ROBO2: variants seen among roughly 807,000 people sequenced by gnomAD.
The protein encoded by ROBO2 is roundabout guidance receptor 2.
ROBO2 carries 53 observed loss-of-function variants against 160.8 expected under a neutral mutation model. The observed-to-expected ratio is 0.33, with a 90% CI of 0.26 to 0.41. The LOEUF (loss-of-function observed/expected upper bound fraction) is 0.41, where lower values mean the gene tolerates loss of function less well. ROBO2 is among the 10% of genes least tolerant of loss of function. ROBO2 has a pLI of 1.00. For missense variants in ROBO2, 1,577 were observed against 1,722.4 expected (o/e 0.92, Z 1.49); for synonymous variants, 664 against 611.7 (o/e 1.09, Z -1.26).
intron 2 of ROBO2, among the ~76,000 whole-genome samples, chr3:77,279,147 T>C (rs911044563): frequency 6.6e-6 from 1 of 152,146 alleles, no homozygotes. Context: ...GTCTCTTTTT[T>C]TCACGTAAAC....
chr3:76,019,620 G>C (rs1439091835), intron 2 of ROBO2, among the ~76,000 whole-genome samples: 3 of 151,794 alleles, frequency 2.0e-5, no homozygotes, highest in Non-Finnish European at 4.4e-5. Flanking sequence ...CTCCTCACAT[G>C]GTTAGGTTTT....
intron 2 of ROBO2, among the ~76,000 whole-genome samples, chr3:77,176,781 G>T (rs1351484468): frequency 2.6e-5 from 4 of 151,946 alleles, no homozygotes; most frequent in Non-Finnish European, 5.9e-5. Flanking sequence ...TGCTAGATCA[G>T]AATAAATTTT....
chr3:76,195,888 T>G (rs17013913), intron 2 of ROBO2, among the ~76,000 whole-genome samples: 125,741 of 152,128 alleles, frequency 0.83, 53,077 homozygotes, highest in Middle Eastern at 0.95. Flanking sequence ...GAAGTGCCAC[T>G]TACGTCTTAG....
chr3:77,026,611 C>T (rs2062982487), intron 2 of ROBO2, among the ~76,000 whole-genome samples: 1 of 152,162 alleles, frequency 6.6e-6, no homozygotes, highest in South Asian at 2.1e-4. Flanking sequence ...AGGTGAAATC[C>T]TTCGAAATAT....
At chr3:77,348,135 C>A (rs775248628) in intron 2 of ROBO2, among the ~76,000 whole-genome samples, 74 of 151,986 alleles carry the variant, frequency 4.9e-4, no homozygotes, top group Non-Finnish European at 1.8e-4. Context: ...GTTCTTGGAT[C>A]TTGAGCAAGA....
chr3:75,957,637 G>A (rs1342219133), intron 2 of ROBO2, among the ~76,000 whole-genome samples: 1 of 150,008 alleles, frequency 6.7e-6, no homozygotes, highest in Non-Finnish European at 1.5e-5. Context: ...CAACTTGATT[G>A]TTATCTCTCT....
chr3:76,925,644 A>C (rs904123512), intron 2 of ROBO2, among the ~76,000 whole-genome samples: 2 of 152,154 alleles, frequency 1.3e-5, no homozygotes, highest in Non-Finnish European at 2.9e-5. Context: ...ATATGCTCTT[A>C]AGTGCATGAT....
chr3:76,379,227 C>T (rs1324594519), intron 2 of ROBO2, among the ~76,000 whole-genome samples: 3 of 152,072 alleles, frequency 2.0e-5, no homozygotes, highest in Non-Finnish European at 2.9e-5. Context: ...ACATACTAGA[C>T]AGCTTTGAAT....
At chr3:77,615,002 G>A (rs2094738282) in intron 21 of ROBO2, among the ~76,000 whole-genome samples, 2 of 151,940 alleles carry the variant, frequency 1.3e-5, no homozygotes. Flanking sequence ...TTTTACTGGT[G>A]GTCAACATAG....
chr3:77,568,475 T>C, intron 13 of ROBO2, 41 bp downstream of exon 14: 1 of 1,610,958 alleles, frequency 6.2e-7, no homozygotes, highest in Non-Finnish European at 8.5e-7. Flanking sequence ...TCTCTTCTCT[T>C]TCGGGAAAGC....
At chr3:76,964,710 T>G (rs1250420013) in intron 2 of ROBO2, among the ~76,000 whole-genome samples, 3 of 152,248 alleles carry the variant, frequency 2.0e-5, no homozygotes, top group Non-Finnish European at 2.9e-5. Context: ...TCGATTGTGT[T>G]ATTCCTGACT....
At chr3:77,553,371 G>A (rs1043395889) in intron 8 of ROBO2, among the ~76,000 whole-genome samples, 6 of 151,606 alleles carry the variant, frequency 4.0e-5, no homozygotes, top group Non-Finnish European at 5.9e-5. Context: ...CCTATTCCTC[G>A]AGACACAACA....
chr3:77,185,285 A>T (rs781334895), intron 2 of ROBO2, among the ~76,000 whole-genome samples: 1 of 151,954 alleles, frequency 6.6e-6, no homozygotes, highest in South Asian at 2.1e-4. Context: ...TCTCTTTGGA[A>T]TGGTTGTTAC....
In ROBO2 at chr3:77,164,952, C is replaced by G. The variant is rs201175168; in HGVS notation, c.388+66612C>G. 6.2e-5 allele frequency among the ~76,000 whole-genome samples: 9 copies of G among 145,698 alleles called. 1 individual carries two copies. The East Asian group carries it at 1.7e-3, about 27-fold the overall frequency. On this transcript the variant is annotated intron_variant, in intron 2 of 25. Coordinates refer to ENST00000461745, the Ensembl canonical transcript of ROBO2. ...GAGGGAGGTGGGGGCGGTCAGCCCC[C>G]CAACCCGGCCAGCCGCCCCGTCCGG...
At chr3:77,402,789 T>C (rs2075921479) in intron 2 of ROBO2, among the ~76,000 whole-genome samples, 1 of 151,984 alleles carries the variant, frequency 6.6e-6, no homozygotes, top group South Asian at 2.1e-4. Context: ...GCCTCAGAAG[T>C]ACGCCGGCAC....
chr3:75,953,712 A>G (rs901357582), intron 2 of ROBO2, among the ~76,000 whole-genome samples: 2 of 151,942 alleles, frequency 1.3e-5, no homozygotes, highest in African/African-American at 4.8e-5. Flanking sequence ...CTCACCTCAC[A>G]AACAATAGCA....
intron 2 of ROBO2, among the ~76,000 whole-genome samples, chr3:77,196,984 GT>G (rs1322168404): frequency 6.9e-5 from 9 of 130,920 alleles, no homozygotes; most frequent in Non-Finnish European, 1.0e-4. Flanking sequence ...AAAGAAGAAG[GT>G]AGAGAAAAAA....
At chr3:76,961,264 A>AAAAAAAC in intron 2 of ROBO2, among the ~76,000 whole-genome samples, 1 of 151,604 alleles carries the variant, frequency 6.6e-6, no homozygotes, top group Non-Finnish European at 1.5e-5. Context: ...AAAAAAAAAA[A>AAAAAAAC]AAAACACTAG....
intron 21 of ROBO2, among the ~76,000 whole-genome samples, chr3:77,613,667 C>A (rs1338008037): frequency 6.6e-6 from 1 of 151,834 alleles, no homozygotes; most frequent in Non-Finnish European, 1.5e-5. Flanking sequence ...CAAATCAAAT[C>A]AATACATACG....
Sources: gnomAD v4.1 joint callset for allele counts (sites outside exome capture counted in the v4.1 genomes callset) on GRCh38, gnomAD v4.1.1 for gene constraint, MANE v1.5 for transcripts, NCBI Gene and HGNC (gene_info 2026-07-23, HGNC 2026-07-21) for gene names.